The following ZNF343 variants were observed in gnomAD, a reference collection of about 807,000 sequenced individuals.
ZNF343 encodes zinc finger protein 343.
A neutral mutation model predicts 13.8 loss-of-function variants in ZNF343; 11 were observed. The ratio of observed to expected loss-of-function variants is 0.80; its 90% CI spans 0.50 to 1.32. The LOEUF (loss-of-function observed/expected upper bound fraction) is 1.32. Ranked by LOEUF, ZNF343 falls within the 40% of genes most tolerant of loss-of-function variation. The pLI, the probability that ZNF343 is intolerant of heterozygous loss-of-function variation, is 0.00. For missense variants in ZNF343, 658 were observed against 714.2 expected (o/e 0.92, Z 0.90); for synonymous variants, 248 against 260.0 (o/e 0.95, Z 0.44).
chr20:2,487,529 T>G (rs2085299594), intron 5 of ZNF343, among the ~76,000 whole-genome samples: 1 of 152,228 alleles, frequency 6.6e-6, no homozygotes, highest in Non-Finnish European at 1.5e-5. Context: ...GAGGAGCTCT[T>G]CCCCATTTTG....
chr20:2,508,996 A>G (rs1332461331), upstream of ZNF343: 2 of 152,276 alleles, frequency 1.3e-5, no homozygotes, highest in Non-Finnish European at 2.9e-5. This position sits in a 1 kb window ranked among gnomAD's most constrained non-coding sequence, Gnocchi z 4.5. Context: ...GGGCCGTGCA[A>G]CGGTTACTTT....
At chr20:2,511,960 G>A (rs920820476), upstream of ZNF343, among the ~76,000 whole-genome samples, 7 of 152,208 alleles carry the variant, frequency 4.6e-5, no homozygotes, top group Admixed American at 1.3e-4. Context: ...AATGGGAAAG[G>A]AAGAAGTAAA....
At chr20:2,497,014 A>G (rs549330698) in intron 2 of ZNF343, among the ~76,000 whole-genome samples, 1 of 152,226 alleles carries the variant, frequency 6.6e-6, no homozygotes, top group East Asian at 1.9e-4. Context: ...CGGGAGACAG[A>G]GGTTGCGGTG....
chr20:2,517,496 T>TC (rs1244597540), intron 1 of ZNF343, among the ~76,000 whole-genome samples: 1 of 151,732 alleles, frequency 6.6e-6, no homozygotes, highest in African/African-American at 2.4e-5. Context: ...CTCTGGTCTT[T>TC]TTTTTTTTTC....
In ZNF343 at chr20:2,492,778, T is replaced by C; in HGVS notation, c.225A>G (p.Glu75=). Residue 75 remains glutamate, a synonymous_variant, in exon 5 of 6, where the codon GAA becomes GAG. Coordinates refer to ENST00000278772, the MANE Select transcript of ZNF343 (RefSeq NM_024325.6). ...RDVTVIFTEA[E]WKRLSPEQRN... Reference sequence around the variant, plus strand: ...TCTGCTCTGGACTCAGTCTCTTCCATTCTGCTTCTGTGAAGATCACAGTCA... The same window carrying C: ...TCTGCTCTGGACTCAGTCTCTTCCACTCTGCTTCTGTGAAGATCACAGTCA... 1.9e-6 allele frequency: 3 copies of C among 1,613,832 alleles called. No individual in the cohort carries two copies. Among genetic ancestry groups the C allele is most frequent in the Non-Finnish European group, 2.5e-6 (3 of 1,179,976 alleles).
At chr20:2,505,601 T>A (rs1360104065) in intron 1 of ZNF343, among the ~76,000 whole-genome samples, 7 of 152,076 alleles carry the variant, frequency 4.6e-5, no homozygotes. Flanking sequence ...GAGATATAGA[T>A]CAATGGAACA....
At chr20:2,522,282 TGG>T in intron 1 of ZNF343, among the ~76,000 whole-genome samples, 1 of 152,246 alleles carries the variant, frequency 6.6e-6, no homozygotes, top group Non-Finnish European at 1.5e-5. Flanking sequence ...TTATCTAAAT[TGG>T]TTCTAACTCA....
Position 2,484,307 on chromosome 20 carries a change from G to A in ZNF343, c.654C>T (p.Ala218=). The change falls in exon 6 of 6, where the codon GCC becomes GCT. Residue 218 remains alanine (A), a synonymous_variant. Coordinates refer to ENST00000278772, the MANE Select transcript of ZNF343 (RefSeq NM_024325.6). ...CTAGCTGCACAGGGTTTGGTCTTTG[G>A]GCTGAGCTGGGCTCTGTTTCTACCA... ...NMVVETEPSS[A]QRPNPVQLDK... 1 of 1,614,174 alleles carries A rather than the reference G, an allele frequency of 6.2e-7. No homozygotes were observed. Among genetic ancestry groups the A allele is most frequent in the Non-Finnish European group, 8.5e-7 (1 of 1,180,028 alleles).
At chr20:2,509,209 T>TGGCGAATCTAGCGGG (rs1238481146), upstream of ZNF343, 1 of 152,266 alleles carries the variant, frequency 6.6e-6, no homozygotes, top group African/African-American at 2.4e-5. Context: ...CATTTCCGAT[T>TGGCGAATCTAGCGGG]GGCGAATCTA....
At chr20:2,516,792 G>T (rs757291068) in intron 1 of ZNF343, among the ~76,000 whole-genome samples, 1 of 152,042 alleles carries the variant, frequency 6.6e-6, no homozygotes, top group East Asian at 1.9e-4. Flanking sequence ...TTGGGATAAG[G>T]GTTATGATCA....
chr20:2,524,126 A>G (rs1214658650), intron 1 of ZNF343, among the ~76,000 whole-genome samples: 1 of 152,026 alleles, frequency 6.6e-6, no homozygotes, highest in African/African-American at 2.4e-5. Flanking sequence ...TCAAGACCAG[A>G]CTGGGCAACA....
chr20:2,487,625 C>T (rs1330348366), intron 5 of ZNF343, among the ~76,000 whole-genome samples: 1 of 152,212 alleles, frequency 6.6e-6, no homozygotes, highest in Non-Finnish European at 1.5e-5. Context: ...AACAATGCTA[C>T]AATGAATAAC....
chr20:2,499,108 A>G (rs180953322), intron 2 of ZNF343, among the ~76,000 whole-genome samples: 1 of 145,666 alleles, frequency 6.9e-6, no homozygotes, highest in Non-Finnish European at 1.5e-5. Flanking sequence ...TACAGGCGTG[A>G]GCCACCGCAT....
At chr20:2,495,577 A>T (rs1250990823) in intron 2 of ZNF343, 1 of 152,262 alleles carries the variant, frequency 6.6e-6, no homozygotes, top group Non-Finnish European at 1.5e-5. Flanking sequence ...CCTGCAGTAT[A>T]ACGTAGCTGA....
At chr20:2,523,850 A>ATTCT (rs1217295556) in intron 1 of ZNF343, among the ~76,000 whole-genome samples, 1 of 151,584 alleles carries the variant, frequency 6.6e-6, no homozygotes, top group African/African-American at 2.4e-5. Flanking sequence ...CTGGCTAAGA[A>ATTCT]TTCTTTCTTT....
At chr20:2,517,482 T>C (rs1038022067) in intron 1 of ZNF343, among the ~76,000 whole-genome samples, 1 of 151,784 alleles carries the variant, frequency 6.6e-6, no homozygotes, top group Non-Finnish European at 1.5e-5. Context: ...TGCTGAAGAA[T>C]TCCCTCTGGT....
At chr20:2,498,027 C>G (rs1267856242) in intron 2 of ZNF343, among the ~76,000 whole-genome samples, 1 of 152,140 alleles carries the variant, frequency 6.6e-6, no homozygotes, top group Non-Finnish European at 1.5e-5. Context: ...CCTTAAAGAG[C>G]CACTTCATGG....
chr20:2,501,397 C>T (rs1033055394), intron 1 of ZNF343, among the ~76,000 whole-genome samples: 1 of 152,198 alleles, frequency 6.6e-6, no homozygotes, highest in Non-Finnish European at 1.5e-5. Context: ...CAGGGCATTG[C>T]CAAACAAAAG....
At chr20:2,494,451 C>A (rs371679771) in intron 2 of ZNF343, among the ~76,000 whole-genome samples, 1 of 152,048 alleles carries the variant, frequency 6.6e-6, no homozygotes, top group East Asian at 1.9e-4. Context: ...CCTGCCCCAA[C>A]CCAAGGTTCC....
Sources: allele counts gnomAD v4.1 joint callset (sites outside exome capture counted in the v4.1 genomes callset), GRCh38; gene constraint gnomAD v4.1.1; non-coding constraint Gnocchi (gnomAD v3.1); transcripts MANE v1.5; gene names NCBI Gene and HGNC (gene_info 2026-07-23, HGNC 2026-07-21).